PTBP3: variants seen among roughly 807,000 people sequenced by gnomAD.
PTBP3 encodes polypyrimidine tract binding protein 3.
A neutral mutation model predicts 58.7 loss-of-function variants in PTBP3; 20 were observed. That is an observed-to-expected ratio of 0.34 (90% CI 0.24 to 0.50). PTBP3 has a LOEUF of 0.50. PTBP3 is among the 20% of genes least tolerant of loss of function. The pLI is 0.98. For synonymous variants in PTBP3, 185 were observed against 219.8 expected (o/e 0.84, Z 1.40); for missense variants, 509 against 637.2 (o/e 0.80, Z 2.17).
chr9:112,372,043 C>A, the PTBP3 span, among the ~76,000 whole-genome samples: 1 of 152,068 alleles, frequency 6.6e-6, no homozygotes. Context: ...TCTGCATCAG[C>A]CATGTTCTGT....
the PTBP3 span, among the ~76,000 whole-genome samples, chr9:112,360,707 G>A: frequency 6.6e-6 from 1 of 151,968 alleles, no homozygotes; most frequent in Non-Finnish European, 1.5e-5. Flanking sequence ...TCAATGGCAA[G>A]TTATAATACG....
At chr9:112,229,524 C>G (rs1273542034) in intron 10 of PTBP3, among the ~76,000 whole-genome samples, 2 of 149,658 alleles carry the variant, frequency 1.3e-5, no homozygotes, top group Non-Finnish European at 3.0e-5. Flanking sequence ...AAGATTGTGC[C>G]ACCGCACTCC....
Position 112,320,080 on chromosome 9 carries a change from G to A in PTBP3, c.-52+13390C>T, listed in dbSNP as rs1004633593. On this transcript the variant is annotated intron_variant, in intron 1 of 13. Coordinates refer to ENST00000374257, the MANE Select transcript of PTBP3 (RefSeq NM_001163788.4). Reference sequence around the variant, plus strand: ...AATTTCAGTTAGCAGAAATAAGTTCGAGAGATCAATTGTTTAACATGGTGA... The same window carrying A: ...AATTTCAGTTAGCAGAAATAAGTTCAAGAGATCAATTGTTTAACATGGTGA... Among the ~76,000 whole-genome samples, 4 of 151,704 alleles carry A rather than the reference G, an allele frequency of 2.6e-5. No homozygotes were observed. In the South Asian group the frequency reaches 6.2e-4, roughly 24 times the overall value.
At chr9:112,259,249 G>A (rs1836495214) in intron 5 of PTBP3, among the ~76,000 whole-genome samples, 1 of 151,990 alleles carries the variant, frequency 6.6e-6, no homozygotes, top group South Asian at 2.1e-4. Flanking sequence ...CACCACACCT[G>A]GCCAGTTTAT....
the PTBP3 span, among the ~76,000 whole-genome samples, chr9:112,342,755 A>AAGAAAGT: frequency 6.6e-6 from 1 of 152,126 alleles, no homozygotes; most frequent in Non-Finnish European, 1.5e-5. Flanking sequence ...AAGAAGAAAG[A>AAGAAAGT]GAGATTAAAA....
chr9:112,262,502 TGCC>T lies in PTBP3; in HGVS notation c.446_448del (p.Gly149_Gln150delinsGlu), dbSNP rs777392499. On this transcript the variant is annotated inframe_deletion, in exon 5 of 14. Transcript: ENST00000374257. ...AATAATTATTCGAAGCACAGGGCTCTGCCCAGGTAGGACTGTGCCTTCATTGGA... is the reference window on the plus strand; with the variant it reads ...AATAATTATTCGAAGCACAGGGCTCTCAGGTAGGACTGTGCCTTCATTGGA... The T allele has an allele frequency of 1.2e-6, 2 of 1,611,716 alleles. No homozygotes were observed. The highest frequency in any genetic ancestry group is 1.7e-6 in the Non-Finnish European group (2 of 1,179,188).
chr9:112,325,252 A>C (rs753562383), intron 1 of PTBP3, among the ~76,000 whole-genome samples: 2 of 152,198 alleles, frequency 1.3e-5, no homozygotes, highest in Non-Finnish European at 2.9e-5. Flanking sequence ...CCACAGTGAA[A>C]AATTCCATCA....
intron 5 of PTBP3, among the ~76,000 whole-genome samples, chr9:112,254,334 T>C (rs1836261368): frequency 6.6e-6 from 1 of 152,126 alleles, no homozygotes; most frequent in Admixed American, 6.6e-5. Context: ...TATCCTTCCC[T>C]GGTAGTCTAG....
intron 2 of PTBP3, among the ~76,000 whole-genome samples, chr9:112,287,533 G>C (rs549055313): frequency 3.3e-5 from 5 of 151,638 alleles, no homozygotes; most frequent in Non-Finnish European, 7.4e-5. Flanking sequence ...TAGAGAAGGG[G>C]TTTCACCATG....
At position 112,262,424 on chromosome 9, in the gene PTBP3, T is replaced by C. The variant is rs138753995; in HGVS notation, c.516+11A>G. 25 of 1,566,088 alleles carry C rather than the reference T, an allele frequency of 1.6e-5. No homozygotes were observed. The highest frequency in any genetic ancestry group is 1.9e-5 in the Non-Finnish European group (22 of 1,162,102). On this transcript the variant is annotated intron_variant, in intron 5 of 13. Coordinates refer to ENST00000374257, the MANE Select transcript of PTBP3 (RefSeq NM_001163788.4). Reference sequence around the variant, plus strand: ...AACTTAACTTTCTTAAGGGTATTTATTCCTCCTTACCTGATGAAGAACTTC... The same window carrying C: ...AACTTAACTTTCTTAAGGGTATTTACTCCTCCTTACCTGATGAAGAACTTC...
At chr9:112,232,335 G>T (rs1234492440) in intron 8 of PTBP3, 97 bp from the exon 9 acceptor site, 9 of 1,225,322 alleles carry the variant, frequency 7.3e-6, no homozygotes, top group Admixed American at 2.8e-5. Context: ...GAAAACTACA[G>T]AAAGAAAATG....
In PTBP3 at chr9:112,222,694, C is replaced by T. The variant is rs1019161268; in HGVS notation, c.*1157G>A. The T allele has an allele frequency of 1.0e-6, 1 of 982,008 alleles. No homozygotes were observed. Among genetic ancestry groups the T allele is most frequent in the Non-Finnish European group, 1.2e-6 (1 of 826,706 alleles). The allele number at this position is 982,008 out of a possible 1,614,324, so 60.8% of individuals were successfully genotyped here. A position where few individuals can be genotyped will look rare whatever the true frequency, so the allele number is the denominator to read the frequency against. On this transcript the variant is annotated 3_prime_UTR_variant, in exon 14 of 14. Transcript: ENST00000374257. ...AATGAAAAAAATTTTAAATCCTTACCAAAACAGAGAAAGAAAAAACAAAAT... is the reference window on the plus strand; with the variant it reads ...AATGAAAAAAATTTTAAATCCTTACTAAAACAGAGAAAGAAAAAACAAAAT...
intron 1 of PTBP3, among the ~76,000 whole-genome samples, chr9:112,305,821 T>G (rs1829170855): frequency 1.3e-5 from 2 of 152,146 alleles, no homozygotes; most frequent in African/African-American, 4.8e-5. Context: ...ACGCCTGTAG[T>G]TCCAGCTACT....
At chr9:112,345,574 G>T in the PTBP3 span, among the ~76,000 whole-genome samples, 1 of 151,328 alleles carries the variant, frequency 6.6e-6, no homozygotes, top group Admixed American at 6.6e-5. Context: ...TAGAGTTGGG[G>T]TTTTACCATT....
chr9:112,281,684 G>C (rs1367886659), intron 2 of PTBP3, among the ~76,000 whole-genome samples: 1 of 152,172 alleles, frequency 6.6e-6, no homozygotes, highest in Non-Finnish European at 1.5e-5. Context: ...ATATGGGACT[G>C]TAGTTTTCAA....
At chr9:112,317,856 T>G (rs1829769138) in intron 1 of PTBP3, among the ~76,000 whole-genome samples, 1 of 151,342 alleles carries the variant, frequency 6.6e-6, no homozygotes, top group Non-Finnish European at 1.5e-5. Flanking sequence ...GGCAGGAGAA[T>G]CGCTTGAACC....
intron 7 of PTBP3, among the ~76,000 whole-genome samples, chr9:112,246,842 T>C (rs1254534181): frequency 6.6e-6 from 1 of 152,112 alleles, no homozygotes; most frequent in Non-Finnish European, 1.5e-5. Flanking sequence ...TGATCAAAGC[T>C]AACACCACAA....
intron 7 of PTBP3, among the ~76,000 whole-genome samples, chr9:112,243,270 G>A (rs1050248421): frequency 3.3e-5 from 5 of 151,324 alleles, no homozygotes; most frequent in Admixed American, 2.6e-4. Context: ...GCCAGGCGAG[G>A]TGGCTCACGT....
At chr9:112,252,622 A>G in intron 6 of PTBP3, 56 bp downstream of exon 6, 1 of 1,271,272 alleles carries the variant, frequency 7.9e-7, no homozygotes, top group South Asian at 1.2e-5. Context: ...GGGGCACAAG[A>G]GAAGGTATCA....
Sources: allele counts gnomAD v4.1 joint callset (sites outside exome capture counted in the v4.1 genomes callset), GRCh38; gene constraint gnomAD v4.1.1; transcripts MANE v1.5; gene names NCBI Gene and HGNC (gene_info 2026-07-23, HGNC 2026-07-21).